SOX5: variants seen among roughly 807,000 people sequenced by gnomAD.
The protein encoded by SOX5 is transcription factor SOX-5.
A neutral mutation model predicts 92.0 loss-of-function variants in SOX5; 9 were observed. That is an observed-to-expected ratio of 0.10 (90% CI 0.06 to 0.17). The LOEUF (loss-of-function observed/expected upper bound fraction) is 0.17, where lower values mean the gene tolerates loss of function less well. Ranked by LOEUF, SOX5 falls within the 10% of genes least tolerant of loss-of-function variation. The pLI is 1.00. For synonymous variants in SOX5, 344 were observed against 336.3 expected, an observed-to-expected ratio of 1.02 and a Z score of -0.25; for missense variants, 642 against 944.5, an observed-to-expected ratio of 0.68 and a Z score of 4.20.
intron 1 of SOX5, among the ~76,000 whole-genome samples, chr12:24,479,640 CA>C (rs1334336823): frequency 6.6e-6 from 1 of 151,544 alleles, no homozygotes; most frequent in African/African-American, 2.4e-5. Context: ...TGGAAAATAT[CA>C]AAGGAATATT....
intron 3 of SOX5, among the ~76,000 whole-genome samples, chr12:23,813,122 C>T (rs2095908797): frequency 6.6e-6 from 1 of 152,006 alleles, no homozygotes; most frequent in African/African-American, 2.4e-5. Flanking sequence ...TTCAGTGTAT[C>T]GGGCATACAA....
At chr12:24,488,214 T>C (rs573431250) in intron 1 of SOX5, among the ~76,000 whole-genome samples, 2 of 152,302 alleles carry the variant, frequency 1.3e-5, no homozygotes, top group Non-Finnish European at 2.9e-5. Flanking sequence ...CTTTATACTA[T>C]AGGCCATGTC....
At chr12:24,068,749 C>T (rs55638178) in intron 4 of SOX5, among the ~76,000 whole-genome samples, 1,803 of 71,904 alleles carry the variant, frequency 0.025, 9 homozygotes, top group Non-Finnish European at 0.03. Context: ...TATATATATA[C>T]ACACACACAC....
chr12:24,471,908 CA>C (rs1365569304), intron 1 of SOX5, among the ~76,000 whole-genome samples: 3 of 151,292 alleles, frequency 2.0e-5, no homozygotes, highest in African/African-American at 7.3e-5. Flanking sequence ...CTAAACCAGA[CA>C]AAACAAAGCC....
At chr12:23,880,226 C>T (rs974486729) in intron 2 of SOX5, among the ~76,000 whole-genome samples, 1 of 152,148 alleles carries the variant, frequency 6.6e-6, no homozygotes, top group African/African-American at 2.4e-5. Context: ...AAAGCTCATC[C>T]TTCAACCCTT....
chr12:24,167,138 G>A (rs879360394), intron 4 of SOX5, among the ~76,000 whole-genome samples: 8 of 152,018 alleles, frequency 5.3e-5, no homozygotes, highest in African/African-American at 1.2e-4. Flanking sequence ...TGTGTAATAC[G>A]ACAAGGACCA....
intron 1 of SOX5, among the ~76,000 whole-genome samples, chr12:24,381,072 A>G (rs1957774243): frequency 6.6e-6 from 1 of 152,220 alleles, no homozygotes; most frequent in South Asian, 2.1e-4. Context: ...TGGCCTACGG[A>G]GGGCATGCAT....
intron 1 of SOX5, among the ~76,000 whole-genome samples, chr12:23,909,717 G>C (rs952399128): frequency 6.6e-6 from 1 of 152,140 alleles, no homozygotes; most frequent in African/African-American, 2.4e-5. Flanking sequence ...ACAGGGAGGG[G>C]TGTCTAACAT....
intron 7 of SOX5, among the ~76,000 whole-genome samples, chr12:23,646,103 T>C (rs557538366): frequency 7.3e-4 from 111 of 152,324 alleles, no homozygotes; most frequent in Admixed American, 1.7e-3. Context: ...TGCCTTGATG[T>C]TGATGGCTGC....
intron 6 of SOX5, among the ~76,000 whole-genome samples, chr12:23,727,184 A>G (rs1421270506): frequency 6.6e-6 from 1 of 152,192 alleles, no homozygotes; most frequent in Non-Finnish European, 1.5e-5. Flanking sequence ...CAACTTCTAA[A>G]CATTGTTATC....
At chr12:24,462,126 T>C (rs967643152) in intron 1 of SOX5, among the ~76,000 whole-genome samples, 1 of 152,200 alleles carries the variant, frequency 6.6e-6, no homozygotes, top group Non-Finnish European at 1.5e-5. Flanking sequence ...AATATCACAG[T>C]GTACTTACAC....
intron 4 of SOX5, among the ~76,000 whole-genome samples, chr12:24,068,501 T>C (rs75236438): frequency 6.6e-6 from 1 of 151,894 alleles, no homozygotes; most frequent in East Asian, 1.9e-4. Context: ...GAGATTATCT[T>C]AGAAAACTTG....
chr12:24,088,288 G>A (rs1044365225), intron 4 of SOX5, among the ~76,000 whole-genome samples: 1 of 152,030 alleles, frequency 6.6e-6, no homozygotes, highest in Non-Finnish European at 1.5e-5. Flanking sequence ...CCTTACCCCT[G>A]TAATTATAAG....
intron 8 of SOX5, among the ~76,000 whole-genome samples, chr12:23,608,609 T>C (rs1021794757): frequency 7.9e-5 from 12 of 152,262 alleles, no homozygotes; most frequent in African/African-American, 2.6e-4. Flanking sequence ...AGCAAGAGCT[T>C]TGGACAAGGC....
At chr12:23,785,601 T>C (rs1204061097) in intron 3 of SOX5, among the ~76,000 whole-genome samples, 1 of 152,208 alleles carries the variant, frequency 6.6e-6, no homozygotes, top group African/African-American at 2.4e-5. Context: ...GTTTTGTTTT[T>C]ATCAATTCTA....
At chr12:24,553,336 T>G (rs974900417) in intron 1 of SOX5, among the ~76,000 whole-genome samples, 1 of 152,212 alleles carries the variant, frequency 6.6e-6, no homozygotes, top group African/African-American at 2.4e-5. Flanking sequence ...AATATCCATC[T>G]GATAGGAGGG....
chr12:24,083,311 G>C (rs1330799537), intron 4 of SOX5, among the ~76,000 whole-genome samples: 1 of 151,932 alleles, frequency 6.6e-6, no homozygotes, highest in African/African-American at 2.4e-5. Context: ...GAATTACAAA[G>C]ACCAAATATA....
At chr12:24,291,581 CAG>C (rs1460420923) in intron 2 of SOX5, among the ~76,000 whole-genome samples, 11 of 152,094 alleles carry the variant, frequency 7.2e-5, no homozygotes, top group Non-Finnish European at 1.6e-4. Context: ...CATATAGAAA[CAG>C]AAAACAGAAG....
intron 1 of SOX5, among the ~76,000 whole-genome samples, chr12:24,526,928 G>A (rs1161702449): frequency 2.6e-5 from 4 of 151,142 alleles, no homozygotes; most frequent in Admixed American, 6.6e-5. Flanking sequence ...AAGTGATTAT[G>A]CCACCTCAGC....
Sources: gnomAD v4.1 joint callset for allele counts (sites outside exome capture counted in the v4.1 genomes callset) on GRCh38, gnomAD v4.1.1 for gene constraint, MANE v1.5 for transcripts, NCBI Gene and HGNC (gene_info 2026-07-23, HGNC 2026-07-21) for gene names.